GAS2L1: variants seen among roughly 807,000 people sequenced by gnomAD.
The protein encoded by GAS2L1 is GAS2-like protein 1.
A neutral mutation model predicts 44.0 loss-of-function variants in GAS2L1; 26 were observed. The ratio of observed to expected loss-of-function variants is 0.59; its 90% CI spans 0.43 to 0.82. The LOEUF is 0.82. Ranked by LOEUF, GAS2L1 falls within the 40% of genes least tolerant of loss-of-function variation. GAS2L1 has a pLI of 0.00. For missense variants in GAS2L1, 1,006 were observed against 983.0 expected (o/e 1.02, Z -0.31); for synonymous variants, 426 against 415.9 (o/e 1.02, Z -0.30).
At chr22:29,311,170 C>A in intron 4 of GAS2L1, 172 bp downstream of exon 5, 1 of 638,240 alleles carries the variant, frequency 1.6e-6, no homozygotes, top group Non-Finnish European at 2.7e-6. Flanking sequence ...AAACCAACAA[C>A]ACAGCTGGGG....
intron 1 of GAS2L1, among the ~76,000 whole-genome samples, chr22:29,309,414 A>G (rs2061381359): frequency 6.6e-6 from 1 of 152,226 alleles, no homozygotes; most frequent in African/African-American, 2.4e-5. Context: ...GGGCTGGACC[A>G]AGAGTTTCCT....
chr22:29,306,866 C>A (rs1405020454), upstream of GAS2L1: 1 of 152,240 alleles, frequency 6.6e-6, no homozygotes, highest in African/African-American at 2.4e-5. Flanking sequence ...GTCGAGAGCG[C>A]TCGAAGACCC....
At chr22:29,310,571 G>A (rs745828693) in intron 2 of GAS2L1, 25 bp downstream of exon 3, 27 of 1,586,380 alleles carry the variant, frequency 1.7e-5, no homozygotes, top group African/African-American at 2.7e-5. Flanking sequence ...CCGCCCCAGC[G>A]GGCAGCAGCC....
chr22:29,308,727 C>T, exon 1 of GAS2L1: 1 of 1,491,672 alleles, frequency 6.7e-7, no homozygotes, highest in South Asian at 1.4e-5. Context: ...CCTGCGCAAC[C>T]TCGACGAGCT....
At chr22:29,308,212 G>C in exon 1 of GAS2L1, 1 of 1,608,838 alleles carries the variant, frequency 6.2e-7, no homozygotes, top group South Asian at 1.1e-5. Context: ...CTGGCCGAGT[G>C]GCTCAATGCC....
At chr22:29,308,504 G>A in exon 1 of GAS2L1, 5 of 1,609,328 alleles carry the variant, frequency 3.1e-6, no homozygotes, top group Non-Finnish European at 4.2e-6. Context: ...GCAAGAACGA[G>A]AAGAGCGTGG....
chr22:29,310,297 G>A, intron 1 of GAS2L1, 142 bp from the exon 3 acceptor site: 1 of 574,050 alleles, frequency 1.7e-6, no homozygotes, highest in Non-Finnish European at 3.1e-6. Context: ...GTCACGTGTG[G>A]AAGCTGTACC....
exon 1 of GAS2L1, chr22:29,307,848 C>G (rs2147893503): frequency 2.8e-6 from 1 of 353,298 alleles, no homozygotes; most frequent in East Asian, 4.2e-5. Context: ...AGCCACACAG[C>G]AAACACTTAA....
At chr22:29,311,413 C>T (rs1189216117) in intron 4 of GAS2L1, 49 bp from the exon 6 acceptor site, 1 of 732,422 alleles carries the variant, frequency 1.4e-6, no homozygotes, top group South Asian at 1.8e-5. Flanking sequence ...GTTCTGCATG[C>T]CAGTCCTTCC....
rs762222160 is a variant in GAS2L1, at chr22:29,312,300, G to A, written c.1849G>A (p.Ala617Thr). The A allele has an allele frequency of 3.2e-5, 52 of 1,608,298 alleles. No individual in the cohort carries two copies. In the Admixed American group the frequency reaches 8.5e-4, roughly 26 times the overall value. The change falls in exon 5 of 5, where the codon GCA (alanine) becomes ACA (threonine). Residue 617 changes from alanine (A) to threonine (T), a missense_variant. Transcript: ENST00000618518. ...CCCTGGCATGGGGGGGCCACTAGAT[G>A]CACCTGGGAGCCCCCTGGCTTGCAC...
intron 1 of GAS2L1, 112 bp downstream of exon 2, chr22:29,308,850 A>C: frequency 1.2e-6 from 1 of 830,040 alleles, no homozygotes; most frequent in Non-Finnish European, 1.7e-6. Flanking sequence ...TCTGCCCCAC[A>C]AAAAGAGTGC....
chr22:29,307,654 T>G, exon 1 of GAS2L1: 1 of 155,780 alleles, frequency 6.4e-6, no homozygotes, highest in Non-Finnish European at 1.4e-5. Context: ...CCGCAGGACA[T>G]GGGGTGGGCA....
At chr22:29,309,055 C>T (rs529673590) in intron 1 of GAS2L1, among the ~76,000 whole-genome samples, 36 of 152,322 alleles carry the variant, frequency 2.4e-4, no homozygotes, top group South Asian at 4.1e-4. Flanking sequence ...TCTGGGGGGC[C>T]GCATGATCGG....
At position 29,311,779 on chromosome 22, in the gene GAS2L1, C is replaced by T. The variant is rs768382353; in HGVS notation, c.1328C>T (p.Ala443Val). Residue 443 changes from alanine (A) to valine (V), a missense_variant, in exon 5 of 5, where the codon GCT becomes GTT. Transcript: ENST00000618518. ...CGGAGCCAGAGCCGCGAGGAGCAGGCTGTGCTGCTTGTGCGCAGGGATCGA... is the reference window on the plus strand; with the variant it reads ...CGGAGCCAGAGCCGCGAGGAGCAGGTTGTGCTGCTTGTGCGCAGGGATCGA... 17 of 1,559,208 alleles carry T rather than the reference C, an allele frequency of 1.1e-5. No individual in the cohort carries two copies. The South Asian group carries it at 1.5e-4, about 14-fold the overall frequency.
chr22:29,308,592 G>C (rs1327031438), exon 1 of GAS2L1: 19 of 1,599,238 alleles, frequency 1.2e-5, no homozygotes, highest in Non-Finnish European at 1.4e-5. Context: ...GTTTGAGCAG[G>C]AGATTGAGCG....
chr22:29,311,248 T>A, intron 4 of GAS2L1: 1 of 578,588 alleles, frequency 1.7e-6, no homozygotes, highest in South Asian at 2.2e-5. Flanking sequence ...GGAAGGGGGG[T>A]GTCTAGAGCC....
In GAS2L1 at chr22:29,308,130, G is replaced by A. The variant is rs758995333; in HGVS notation, c.25G>A (p.Ala9Thr). 1.1e-5 allele frequency: 17 copies of A among 1,561,242 alleles called. No individual in the cohort carries two copies. In the Admixed American group the frequency reaches 1.2e-4, roughly 11 times the overall value. Residue 9 changes from alanine to threonine, a missense_variant, in exon 1 of 5, where the codon GCG becomes ACG. Physicochemically the swap from Ala to Thr is moderately conservative, Grantham distance 58. Transcript: ENST00000618518. ...CATGGCAGACCCAGTGGCGGGCATC[G>A]CGGGCTCGGCGGCCAAGAGCGTGCG...
chr22:29,308,320 C>T (rs1251017276), exon 1 of GAS2L1: 1 of 1,606,716 alleles, frequency 6.2e-7, no homozygotes, highest in African/African-American at 1.3e-5. Flanking sequence ...GTGACCGAGG[C>T]TGCCCGTGCA....
At chr22:29,310,721 C>G (rs1412973592) in exon 3 of GAS2L1, 1 of 1,609,178 alleles carries the variant, frequency 6.2e-7, no homozygotes. Context: ...ACCCGTGCCG[C>G]TGCTCCTCCA....
Sources: allele counts gnomAD v4.1 joint callset (sites outside exome capture counted in the v4.1 genomes callset), GRCh38; gene constraint gnomAD v4.1.1; transcripts MANE v1.5; gene names NCBI Gene and HGNC (gene_info 2026-07-23, HGNC 2026-07-21).